The following THOC5 variants were observed in gnomAD, a reference collection of about 807,000 sequenced individuals.
THOC5 encodes Fms-interacting protein.
THOC5 carries 43 observed loss-of-function variants against 92.9 expected under a neutral mutation model. The observed-to-expected ratio is 0.46, with a 90% CI of 0.36 to 0.60. The LOEUF (loss-of-function observed/expected upper bound fraction) is 0.60. Ranked by LOEUF, THOC5 falls within the 20% of genes least tolerant of loss-of-function variation. The pLI is 0.00. For synonymous variants in THOC5, 296 were observed against 320.1 expected, an observed-to-expected ratio of 0.92 and a Z score of 0.80; for missense variants, 659 against 849.4, an observed-to-expected ratio of 0.78 and a Z score of 2.79.
intron 5 of THOC5, among the ~76,000 whole-genome samples, chr22:29,539,924 C>A (rs2063843711): frequency 6.6e-6 from 1 of 152,234 alleles, no homozygotes; most frequent in East Asian, 1.9e-4. Flanking sequence ...CATGGGAGAA[C>A]TGGATGGAAA....
chr22:29,508,412 T>C lies in THOC5; in HGVS notation c.*45A>G. ...GCCAGAGCAGAAAGCAGAAGCCCAG[T>C]GCTCAGGGTGAGGCCTTGGGGGAAA... On this transcript the variant is annotated 3_prime_UTR_variant, in exon 20 of 20. Coordinates refer to ENST00000490103, the MANE Select transcript of THOC5 (RefSeq NM_003678.5). 1 of 1,586,724 alleles carries C rather than the reference T, an allele frequency of 6.3e-7. No individual in the cohort carries two copies. Among genetic ancestry groups the C allele is most frequent in the Non-Finnish European group, 8.7e-7 (1 of 1,155,314 alleles).
At chr22:29,528,317 G>A (rs771330614) in intron 10 of THOC5, 109 bp downstream of exon 10, 31 of 1,613,834 alleles carry the variant, frequency 1.9e-5, no homozygotes, top group Admixed American at 8.3e-5. Flanking sequence ...CCTCCCAGCA[G>A]CACCTTCTTT....
At chr22:29,526,067 G>A in intron 11 of THOC5, 121 bp from the exon 12 acceptor site, 1 of 660,190 alleles carries the variant, frequency 1.5e-6, no homozygotes. Context: ...TAGGTATTAT[G>A]CCCACTACCT....
At chr22:29,541,893 AATAT>A (rs55924406) in intron 5 of THOC5, among the ~76,000 whole-genome samples, 2,919 of 73,258 alleles carry the variant, frequency 0.04, 56 homozygotes, top group South Asian at 0.071. Flanking sequence ...AAAAAAAAAA[AATAT>A]ATATATATAT....
At chr22:29,552,679 G>A (rs1398500594) in intron 1 of THOC5, among the ~76,000 whole-genome samples, 3 of 149,688 alleles carry the variant, frequency 2.0e-5, no homozygotes, top group South Asian at 2.1e-4. Flanking sequence ...GCCTCTGCCC[G>A]GCCGCCCCTT....
intron 9 of THOC5, 150 bp from the exon 10 acceptor site, chr22:29,528,616 A>C (rs1453365637): frequency 2.6e-6 from 2 of 777,476 alleles, no homozygotes; most frequent in Non-Finnish European, 4.1e-6. Context: ...GCTGCTTCTT[A>C]TTCAGTATAC....
At chr22:29,541,028 C>A (rs1429233878) in intron 5 of THOC5, among the ~76,000 whole-genome samples, 1 of 151,976 alleles carries the variant, frequency 6.6e-6, no homozygotes, top group African/African-American at 2.4e-5. Context: ...ACCAGCCTGG[C>A]CAACATGGTG....
At chr22:29,519,889 C>T in intron 14 of THOC5, 119 bp downstream of exon 14, 1 of 651,222 alleles carries the variant, frequency 1.5e-6, no homozygotes, top group East Asian at 3.0e-5. Flanking sequence ...CTGCCTCAGC[C>T]TCCCAAAGTA....
In THOC5 at chr22:29,511,484, C is replaced by T. The variant is rs2063221197; in HGVS notation, c.1798-188G>A. The T allele has an allele frequency of 6.8e-6, 4 of 589,536 alleles. No homozygotes were observed. In the South Asian group the frequency reaches 9.4e-5, roughly 14 times the overall value. 36.5% of individuals were successfully genotyped at this position (589,536 alleles called of 1,614,324 possible). On this transcript the variant is annotated intron_variant, in intron 18 of 19. Transcript: ENST00000490103. The stretch of plus-strand genomic sequence containing the variant: ...CCCCTCATCAAGACAATGAGGTCTT[C>T]CTGATTCTGACCCATAGCTTTCCCT...
At chr22:29,522,501 G>T (rs1489755804) in intron 12 of THOC5, among the ~76,000 whole-genome samples, 1 of 152,026 alleles carries the variant, frequency 6.6e-6, no homozygotes, top group Non-Finnish European at 1.5e-5. Context: ...CACGATGAAG[G>T]TTATTAATTG....
At chr22:29,520,846 G>C (rs2063427453) in intron 13 of THOC5, 152 bp downstream of exon 13, 2 of 669,112 alleles carry the variant, frequency 3.0e-6, no homozygotes, top group Non-Finnish European at 5.3e-6. Context: ...CCTTTGCCTT[G>C]TAAGCAAGAA....
chr22:29,515,262 G>A (rs980676632), intron 17 of THOC5, among the ~76,000 whole-genome samples: 10 of 151,906 alleles, frequency 6.6e-5, no homozygotes, highest in African/African-American at 2.2e-4. Flanking sequence ...GGCTGGTCTC[G>A]AACTCCTGAC....
chr22:29,549,651 T>C (rs1277369442), intron 1 of THOC5, among the ~76,000 whole-genome samples: 2 of 152,232 alleles, frequency 1.3e-5, no homozygotes, highest in Admixed American at 1.3e-4. Flanking sequence ...TGGCTCTTCA[T>C]AATGCACTGA....
At position 29,506,311 on chromosome 22, in the gene THOC5, T is replaced by G. The variant is rs1243824307; in HGVS notation, c.*2146A>C. On this transcript the variant is annotated 3_prime_UTR_variant, in exon 20 of 20. Coordinates refer to ENST00000490103, the MANE Select transcript of THOC5 (RefSeq NM_003678.5). ...ATTTTATGAACATTTTAAAGGTTGT[T>G]ACCTATCTTCCCAAGACTTCTCTTA... 1 of 152,208 alleles carries G rather than the reference T, an allele frequency of 6.6e-6. No individual in the cohort carries two copies. The highest frequency in any genetic ancestry group is 1.5e-5 in the Non-Finnish European group (1 of 68,026). 9.4% of individuals were successfully genotyped at this position (152,208 alleles called of 1,614,324 possible).
intron 8 of THOC5, 93 bp from the exon 9 acceptor site, chr22:29,529,332 C>A: frequency 1.6e-6 from 2 of 1,290,152 alleles, no homozygotes; most frequent in Non-Finnish European, 1.1e-6. Flanking sequence ...TTTCTCCCAC[C>A]TCTGCCCAGC....
intron 7 of THOC5, among the ~76,000 whole-genome samples, chr22:29,532,970 C>T: frequency 6.6e-6 from 1 of 152,082 alleles, no homozygotes; most frequent in East Asian, 1.9e-4. Flanking sequence ...AGAGCAAGAC[C>T]CTGCCTCAAA....
At position 29,507,932 on chromosome 22, in the gene THOC5, T is replaced by C. The variant is rs973620778; in HGVS notation, c.*525A>G. 1.3e-5 allele frequency: 2 copies of C among 156,010 alleles called. No individual in the cohort carries two copies. The highest frequency in any genetic ancestry group is 2.8e-5 in the Non-Finnish European group (2 of 70,614). The allele number at this position is 156,010 out of a possible 1,614,324, so 9.7% of individuals were successfully genotyped here. ...AGGATCAACTGAGTTTGTCTTCTGT[T>C]TGCACTGCACTGTCAGACATTTATA... On this transcript the variant is annotated 3_prime_UTR_variant, in exon 20 of 20. Transcript: ENST00000490103.
At chr22:29,521,237 G>C (rs2063435539) in intron 12 of THOC5, 138 bp from the exon 13 acceptor site, 1 of 668,304 alleles carries the variant, frequency 1.5e-6, no homozygotes, top group South Asian at 1.7e-5. Flanking sequence ...CTGTGGGCCA[G>C]ACCGTTTATA....
chr22:29,539,784 G>A (rs4823046), intron 5 of THOC5, among the ~76,000 whole-genome samples: 128,320 of 152,118 alleles, frequency 0.84, 54,225 homozygotes, highest in East Asian at 0.95. Flanking sequence ...AAAAAGTCAA[G>A]TAAAAACACT....
Sources: allele counts gnomAD v4.1 joint callset (sites outside exome capture counted in the v4.1 genomes callset), GRCh38; gene constraint gnomAD v4.1.1; transcripts MANE v1.5; gene names NCBI Gene and HGNC (gene_info 2026-07-23, HGNC 2026-07-21).